The following KCNIP3 variants were observed in gnomAD, a reference collection of about 807,000 sequenced individuals.
KCNIP3 encodes potassium voltage-gated channel interacting protein 3.
Under a neutral mutation model 35.0 loss-of-function variants are expected in KCNIP3, and 28 were observed. The ratio of observed to expected loss-of-function variants is 0.80; its 90% CI spans 0.59 to 1.10. The LOEUF (loss-of-function observed/expected upper bound fraction) is 1.10. Ranked by LOEUF, KCNIP3 falls within the 50% of genes least tolerant of loss-of-function variation. The pLI is 0.00. For missense variants in KCNIP3, 295 were observed against 338.4 expected (o/e 0.87, Z 1.01); for synonymous variants, 134 against 133.8 (o/e 1.00, Z -0.01).
chr2:95,310,607 C>G, intron 2 of KCNIP3, 87 bp downstream of exon 2: 1 of 1,473,634 alleles, frequency 6.8e-7, no homozygotes, highest in Non-Finnish European at 9.5e-7. Context: ...AAAGGCCAGC[C>G]TGGGACCCCA....
At chr2:95,360,529 T>G (rs1199060957) in intron 2 of KCNIP3, among the ~76,000 whole-genome samples, 1 of 152,216 alleles carries the variant, frequency 6.6e-6, no homozygotes, top group Non-Finnish European at 1.5e-5. Flanking sequence ...ACTTTCACAT[T>G]TTTAAGTATT....
At chr2:95,301,751 C>T (rs761398610) in intron 1 of KCNIP3, among the ~76,000 whole-genome samples, 13 of 152,136 alleles carry the variant, frequency 8.5e-5, no homozygotes, top group Non-Finnish European at 1.6e-4. Context: ...CACTGCCAGG[C>T]AGCATGGGGA....
chr2:95,331,277 G>C (rs1011014522), intron 2 of KCNIP3, among the ~76,000 whole-genome samples: 1 of 152,194 alleles, frequency 6.6e-6, no homozygotes, highest in Non-Finnish European at 1.5e-5. Context: ...GCGTGAGAAC[G>C]AGAGGAGTCA....
chr2:95,369,509 G>A (rs1679991349), intron 2 of KCNIP3, among the ~76,000 whole-genome samples: 1 of 152,150 alleles, frequency 6.6e-6, no homozygotes. Flanking sequence ...ATTTGTGTGT[G>A]AAGACTTGTT....
intron 1 of KCNIP3, among the ~76,000 whole-genome samples, chr2:95,306,108 C>T (rs1338181078): frequency 2.6e-5 from 4 of 152,178 alleles, no homozygotes; most frequent in East Asian, 3.9e-4. Flanking sequence ...CCCTTTCCAC[C>T]GACAATGGAG....
intron 1 of KCNIP3, among the ~76,000 whole-genome samples, chr2:95,304,629 A>AG (rs1678125682): frequency 6.6e-6 from 1 of 152,220 alleles, no homozygotes; most frequent in East Asian, 1.9e-4. Flanking sequence ...CTGCATGAGA[A>AG]CGGGTGAGCT....
At chr2:95,355,648 A>G (rs1450510451) in intron 2 of KCNIP3, among the ~76,000 whole-genome samples, 1 of 152,148 alleles carries the variant, frequency 6.6e-6, no homozygotes, top group East Asian at 1.9e-4. Flanking sequence ...TTCCAGCTTC[A>G]TCCATGTCCC....
chr2:95,353,605 G>C (rs923018800), intron 2 of KCNIP3, among the ~76,000 whole-genome samples: 2 of 152,166 alleles, frequency 1.3e-5, no homozygotes, highest in African/African-American at 4.8e-5. Flanking sequence ...TTAGCCAGAG[G>C]GGGTGCTGAG....
chr2:95,324,347 TA>T lies in KCNIP3; in HGVS notation c.181+13833del, dbSNP rs568331979. On this transcript the variant is annotated intron_variant, in intron 2 of 8. Transcript: ENST00000295225. ...TAACACGGTGAAACCCCGTCTCTAC[TA>T]AAAAATACCAAAAAAATTAGCTGGG... Among the ~76,000 whole-genome samples, 17 of 151,470 alleles carry T rather than the reference TA, an allele frequency of 1.1e-4. No homozygotes were observed. In the South Asian group the frequency reaches 2.5e-3, roughly 22 times the overall value.
intron 2 of KCNIP3, among the ~76,000 whole-genome samples, chr2:95,325,822 CACAT>C (rs1359207501): frequency 6.8e-6 from 1 of 146,890 alleles, no homozygotes; most frequent in African/African-American, 2.6e-5. Context: ...TACACACATA[CACAT>C]ACACTCATAC....
intron 2 of KCNIP3, among the ~76,000 whole-genome samples, chr2:95,315,564 C>G (rs1212287972): frequency 2.0e-5 from 3 of 152,302 alleles, no homozygotes; most frequent in African/African-American, 2.4e-5. Context: ...TGGTTAACAG[C>G]CATCCATGAA....
At chr2:95,326,835 C>T (rs1263263325) in intron 2 of KCNIP3, among the ~76,000 whole-genome samples, 1 of 152,214 alleles carries the variant, frequency 6.6e-6, no homozygotes. Flanking sequence ...AGCCCCTTGG[C>T]CCCAGTAGGC....
At chr2:95,369,871 G>C (rs1367651060) in intron 2 of KCNIP3, among the ~76,000 whole-genome samples, 2 of 152,066 alleles carry the variant, frequency 1.3e-5, no homozygotes, top group Non-Finnish European at 2.9e-5. Flanking sequence ...CAATCCACCT[G>C]CCTCAGCCTC....
At chr2:95,304,592 AACGCATACCC>A (rs1558757043) in intron 1 of KCNIP3, among the ~76,000 whole-genome samples, 1 of 152,156 alleles carries the variant, frequency 6.6e-6, no homozygotes, top group African/African-American at 2.4e-5. Flanking sequence ...ATAACAGGAG[AACGCATACCC>A]CAGGGACCCT....
At chr2:95,309,824 C>T (rs1678266340) in intron 1 of KCNIP3, among the ~76,000 whole-genome samples, 1 of 152,188 alleles carries the variant, frequency 6.6e-6, no homozygotes, top group Non-Finnish European at 1.5e-5. Context: ...CCTCAGTGGT[C>T]GGTTCCACCA....
chr2:95,383,166 TCAGGC>T (rs1680391741), intron 7 of KCNIP3, 61 bp from the exon 8 acceptor site: 4 of 1,009,912 alleles, frequency 4.0e-6, no homozygotes, highest in Admixed American at 2.1e-5. Context: ...TTCTGCGTCC[TCAGGC>T]CAGGGGCGGG....
chr2:95,382,946 G>C lies in KCNIP3; in HGVS notation c.661-286G>C, dbSNP rs1428969701. Among the ~76,000 whole-genome samples the C allele has an allele frequency of 6.6e-6, 1 of 152,210 alleles. No homozygotes were observed. The highest frequency in any genetic ancestry group is 1.9e-4 in the East Asian group (1 of 5,190). ...GGTGAGGCGGTCAGATGAGCATGGG[G>C]ACAAATTCTGGGAAACCCAAGCCCA... On this transcript the variant is annotated intron_variant, in intron 7 of 8. Coordinates refer to ENST00000295225, the MANE Select transcript of KCNIP3 (RefSeq NM_013434.5). This position sits in a 1 kb window ranked among gnomAD's most constrained non-coding sequence, Gnocchi z 4.5.
intron 2 of KCNIP3, among the ~76,000 whole-genome samples, chr2:95,316,102 A>G (rs1024231059): frequency 6.6e-6 from 1 of 152,226 alleles, no homozygotes; most frequent in Non-Finnish European, 1.5e-5. Context: ...GATTTTTGGC[A>G]TTGCTCAAAA....
intron 1 of KCNIP3, among the ~76,000 whole-genome samples, chr2:95,300,576 TC>T (rs1677999152): frequency 1.1e-5 from 1 of 91,354 alleles, no homozygotes; most frequent in African/African-American, 3.7e-5. Flanking sequence ...AGCCTGAGAG[TC>T]GGGGGAGGGC....
Sources: gnomAD v4.1 joint callset for allele counts (sites outside exome capture counted in the v4.1 genomes callset) on GRCh38, gnomAD v4.1.1 for gene constraint, Gnocchi (gnomAD v3.1) non-coding constraint, MANE v1.5 for transcripts, NCBI Gene and HGNC (gene_info 2026-07-23, HGNC 2026-07-21) for gene names.